LRP8: variants seen among roughly 807,000 people sequenced by gnomAD.
LRP8 encodes the protein LDL receptor related protein 8, also known as low-density lipoprotein receptor-related protein 8.
LRP8 carries 46 observed loss-of-function variants against 111.6 expected under a neutral mutation model. That is an observed-to-expected ratio of 0.41 (90% CI 0.33 to 0.53). The LOEUF is 0.53. LRP8 is among the 20% of genes least tolerant of loss of function. The probability of loss-of-function intolerance (pLI) is 0.20; values close to 1 mark genes in which losing one functional copy is unlikely to be tolerated. For missense variants in LRP8, 959 were observed against 1,297.4 expected, an observed-to-expected ratio of 0.74 and a Z score of 4.01; for synonymous variants, 464 against 511.2, an observed-to-expected ratio of 0.91 and a Z score of 1.24.
intron 2 of LRP8, among the ~76,000 whole-genome samples, chr1:53,295,654 T>C (rs1020286570): frequency 6.6e-6 from 1 of 152,082 alleles, no homozygotes; most frequent in African/African-American, 2.4e-5. Flanking sequence ...TGCACCAGGA[T>C]ATTTGGGATA....
chr1:53,326,426 T>C (rs916805051), intron 2 of LRP8, among the ~76,000 whole-genome samples: 7 of 152,174 alleles, frequency 4.6e-5, no homozygotes, highest in African/African-American at 1.2e-4. Flanking sequence ...GGGAGCCCAT[T>C]CATTCACAAA....
chr1:53,266,442 A>C lies in LRP8; in HGVS notation c.1427+31T>G, dbSNP rs1646559757. ...TCACCACCCCTCACCCCCACTCTTC[A>C]TGCCTTGCTGCAGAGGATATGGCCG... On this transcript the variant is annotated intron_variant, in intron 9 of 18. Transcript: ENST00000306052. This position sits in a 1 kb window ranked among gnomAD's most constrained non-coding sequence, Gnocchi z 5.0. 2 of 1,608,444 alleles carry C rather than the reference A, an allele frequency of 1.2e-6. No homozygotes were observed. The highest frequency in any genetic ancestry group is 3.3e-5 in the Admixed American group (2 of 59,898).
At chr1:53,290,580 G>A (rs1473649973) in intron 2 of LRP8, among the ~76,000 whole-genome samples, 3 of 152,174 alleles carry the variant, frequency 2.0e-5, no homozygotes, top group African/African-American at 7.2e-5. Context: ...CTCACAGCTG[G>A]TTACGGAGCT....
At chr1:53,286,517 C>T (rs571858574) in intron 3 of LRP8, among the ~76,000 whole-genome samples, 5 of 152,288 alleles carry the variant, frequency 3.3e-5, no homozygotes, top group Admixed American at 2.6e-4. Context: ...CCAACAGAAG[C>T]CTGAAGGTGG....
At position 53,275,146 on chromosome 1, in the gene LRP8, A is replaced by C. The variant is rs557921946; in HGVS notation, c.1006+485T>G. 2.0e-5 allele frequency among the ~76,000 whole-genome samples: 3 copies of C among 152,230 alleles called. No individual in the cohort carries two copies. The South Asian group carries it at 6.2e-4, about 32-fold the overall frequency. On this transcript the variant is annotated intron_variant, in intron 6 of 18. Coordinates refer to ENST00000306052, the MANE Select transcript of LRP8 (RefSeq NM_004631.5). This position sits in a 1 kb window ranked among gnomAD's most constrained non-coding sequence, Gnocchi z 4.4. The stretch of plus-strand genomic sequence containing the variant: ...GCTGGACTGATCATCTCCTGGGGGG[A>C]CTTTGCCCCATGGACCCCGGATAGG...
chr1:53,271,010 C>T lies in LRP8; in HGVS notation c.1252+18G>A. ...TATGCCTTTCAGAGCTGCCCCTCTG[C>T]CCTTGGGGTGTTCATACCAGCAGCC... On this transcript the variant is annotated intron_variant, in intron 8 of 18. Coordinates refer to ENST00000306052, the MANE Select transcript of LRP8 (RefSeq NM_004631.5). 1 of 1,614,052 alleles carries T rather than the reference C, an allele frequency of 6.2e-7. No individual in the cohort carries two copies. Among genetic ancestry groups the T allele is most frequent in the Non-Finnish European group, 8.5e-7 (1 of 1,180,010 alleles).
chr1:53,324,115 G>A (rs1246604595), intron 2 of LRP8, among the ~76,000 whole-genome samples: 6 of 152,192 alleles, frequency 3.9e-5, no homozygotes, highest in Non-Finnish European at 7.3e-5. Context: ...TGCCAAAGAG[G>A]GTGGTCAGGG....
intron 2 of LRP8, among the ~76,000 whole-genome samples, chr1:53,311,933 T>C (rs939130499): frequency 6.6e-6 from 1 of 152,140 alleles, no homozygotes; most frequent in African/African-American, 2.4e-5. Context: ...AGGCAACATG[T>C]GGGAAGGGCC....
At chr1:53,327,138 A>G in intron 1 of LRP8, 146 bp from the exon 2 acceptor site, 1 of 1,092,108 alleles carries the variant, frequency 9.2e-7, no homozygotes. Context: ...ACTCCATCCA[A>G]AGGGAGGGCA....
At chr1:53,308,337 T>C (rs1164926222) in intron 2 of LRP8, among the ~76,000 whole-genome samples, 2 of 152,160 alleles carry the variant, frequency 1.3e-5, no homozygotes, top group Non-Finnish European at 2.9e-5. Context: ...CAGGCCAGAA[T>C]TTCATTCTCA....
rs539390263 is a variant in LRP8, at chr1:53,289,200, C to T, written c.367+367G>A. The T allele has an allele frequency of 1.6e-4, 28 of 179,894 alleles. No homozygotes were observed. In the South Asian group the frequency reaches 1.6e-3, roughly 10 times the overall value. The allele number at this position is 179,894 out of a possible 1,614,324, so 11.1% of individuals were successfully genotyped here. A position where few individuals can be genotyped will look rare whatever the true frequency, so the allele number is the denominator to read the frequency against. On this transcript the variant is annotated intron_variant, in intron 3 of 18. Transcript: ENST00000306052. ...TAATGCACACAGAGAGCTTAGCACA[C>T]GATAAAGGCTTAAGAAGCACCAGCT...
At chr1:53,315,457 A>C (rs1241880594) in intron 2 of LRP8, among the ~76,000 whole-genome samples, 2 of 152,140 alleles carry the variant, frequency 1.3e-5, no homozygotes, top group Non-Finnish European at 2.9e-5. Flanking sequence ...TCAATCCCAC[A>C]ACCACCTTGA....
chr1:53,301,508 G>A (rs1650856582), intron 2 of LRP8, among the ~76,000 whole-genome samples: 1 of 152,152 alleles, frequency 6.6e-6, no homozygotes, highest in Non-Finnish European at 1.5e-5. Context: ...GATTACTTGA[G>A]CCCAGGAGTT....
In LRP8 at chr1:53,266,515, T is replaced by C. The variant is rs755730937; in HGVS notation, c.1385A>G (p.Asn462Ser). Reference protein sequence around the residue: ...VVALDVEVATNRIYWCDLSYR... With the variant: ...VVALDVEVATSRIYWCDLSYR... ...GGAGAGGTCACACCAGTAGATGCGA[T>C]TGGTGGCAACTTCCACATCTAGTGC... is the stretch of plus-strand genomic sequence containing the variant. Residue 462 changes from asparagine to serine, a missense_variant, in exon 9 of 19, where the codon AAT becomes AGT. Physicochemically the swap from Asn to Ser is conservative, Grantham distance 46 (BLOSUM62 1). Around this residue, in one of 3 missense-constraint regions of LRP8, gnomAD observed 819 missense variants for 1,097.6 expected, o/e 0.75. Transcript: ENST00000306052. This position sits in a 1 kb window ranked among gnomAD's most constrained non-coding sequence, Gnocchi z 5.0. 1.2e-6 allele frequency: 2 copies of C among 1,614,184 alleles called. No homozygotes were observed. Among genetic ancestry groups the C allele is most frequent in the Non-Finnish European group, 1.7e-6 (2 of 1,180,020 alleles).
chr1:53,289,358 A>G, intron 3 of LRP8: 1 of 531,712 alleles, frequency 1.9e-6, no homozygotes, highest in South Asian at 3.5e-5. Context: ...CCACAGAAAC[A>G]GGGTCCAACC....
At chr1:53,321,485 A>C (rs1654507394) in intron 2 of LRP8, among the ~76,000 whole-genome samples, 1 of 152,112 alleles carries the variant, frequency 6.6e-6, no homozygotes, top group Non-Finnish European at 1.5e-5. Context: ...CTGGGAGAGC[A>C]TGCATGCATT....
At chr1:53,304,733 G>A (rs1651630630) in intron 2 of LRP8, 1 of 152,422 alleles carries the variant, frequency 6.6e-6, no homozygotes, top group Non-Finnish European at 1.5e-5. Flanking sequence ...CCCAGGGCCA[G>A]CAGTATGGGG....
intron 15 of LRP8, 79 bp from the exon 16 acceptor site, chr1:53,255,264 T>A: frequency 8.5e-7 from 1 of 1,170,784 alleles, no homozygotes; most frequent in Non-Finnish European, 1.3e-6. Flanking sequence ...TGGTAAGAAC[T>A]ACCCAACTGC....
At chr1:53,290,559 C>T (rs1022774946) in intron 2 of LRP8, among the ~76,000 whole-genome samples, 8 of 152,158 alleles carry the variant, frequency 5.3e-5, no homozygotes, top group South Asian at 2.1e-4. Flanking sequence ...GGGGATGTAG[C>T]AGGCTGAGAG....
Sources: gnomAD v4.1 joint callset for allele counts (sites outside exome capture counted in the v4.1 genomes callset) on GRCh38, gnomAD v4.1.1 for gene constraint, gnomAD v4.1.1 regional missense constraint, Gnocchi (gnomAD v3.1) non-coding constraint, MANE v1.5 for transcripts, NCBI Gene and HGNC (gene_info 2026-07-23, HGNC 2026-07-21) for gene names.